Variants in GALNT2 observed in about 807,000 individuals in gnomAD.
GALNT2 encodes the protein polypeptide N-acetylgalactosaminyltransferase 2.
In GALNT2, 31 loss-of-function variants were observed where a neutral mutation model predicts 81.4. That is an observed-to-expected ratio of 0.38 (90% CI 0.29 to 0.51). The LOEUF (loss-of-function observed/expected upper bound fraction) is 0.51. Among genes scored for constraint, GALNT2 ranks in the 20% least tolerant of loss-of-function variants. GALNT2 has a pLI of 0.87. For synonymous variants in GALNT2, 303 were observed against 287.4 expected (o/e 1.05, Z -0.55); for missense variants, 629 against 765.7 (o/e 0.82, Z 2.11).
chr1:230,266,425 C>T (rs527292795), intron 14 of GALNT2, among the ~76,000 whole-genome samples: 1 of 152,312 alleles, frequency 6.6e-6, no homozygotes, highest in South Asian at 2.1e-4. Flanking sequence ...ACTGGGAGAG[C>T]CTGCAGTTTT....
chr1:230,061,123 C>T (rs946908715), intron 1 of GALNT2, among the ~76,000 whole-genome samples: 1 of 151,832 alleles, frequency 6.6e-6, no homozygotes, highest in Non-Finnish European at 1.5e-5. Flanking sequence ...TTAATCGGGG[C>T]CCTTTAAGTG....
intron 15 of GALNT2, among the ~76,000 whole-genome samples, chr1:230,277,248 A>T (rs995479103): frequency 2.0e-5 from 3 of 152,142 alleles, no homozygotes; most frequent in Non-Finnish European, 2.9e-5. Flanking sequence ...TGCCTTGAAA[A>T]TCTGCGCTCC....
chr1:230,079,376 G>A (rs752329137), intron 1 of GALNT2, among the ~76,000 whole-genome samples: 6 of 152,242 alleles, frequency 3.9e-5, no homozygotes, highest in Non-Finnish European at 8.8e-5. Flanking sequence ...CAGCTGGGGA[G>A]AAAGAACAGC....
At chr1:230,274,628 G>T in intron 15 of GALNT2, 64 bp downstream of exon 15, 2 of 1,600,892 alleles carry the variant, frequency 1.2e-6, no homozygotes, top group Non-Finnish European at 1.7e-6. Context: ...CACGGCCTGC[G>T]CCCTCTTGCT....
chr1:230,180,418 C>T (rs1422583085), intron 2 of GALNT2, among the ~76,000 whole-genome samples: 1 of 146,794 alleles, frequency 6.8e-6, no homozygotes, highest in African/African-American at 2.5e-5. Flanking sequence ...GATCAGTTGG[C>T]AATATTCGTA....
chr1:230,156,812 A>T (rs1403573113), intron 1 of GALNT2, among the ~76,000 whole-genome samples: 1 of 152,134 alleles, frequency 6.6e-6, no homozygotes, highest in African/African-American at 2.4e-5. Flanking sequence ...TCAGTCCCTA[A>T]AATGTGAAGA....
intron 1 of GALNT2, among the ~76,000 whole-genome samples, chr1:230,132,336 A>T (rs1332495467): frequency 6.6e-6 from 1 of 152,282 alleles, no homozygotes; most frequent in East Asian, 1.9e-4. Flanking sequence ...AGATTTCCTA[A>T]GGGAAGAACA....
chr1:230,180,773 G>C (rs1663134373), intron 2 of GALNT2, among the ~76,000 whole-genome samples: 1 of 151,940 alleles, frequency 6.6e-6, no homozygotes, highest in Non-Finnish European at 1.5e-5. Flanking sequence ...TAATTCTTTT[G>C]ATACCTTTTA....
At position 230,070,676 on chromosome 1, in the gene GALNT2, G is replaced by A. The variant is rs192715523; in HGVS notation, c.126+3270G>A. 1.2e-3 allele frequency among the ~76,000 whole-genome samples: 188 copies of A among 152,154 alleles called. 2 individuals carry two copies. Among genetic ancestry groups the A allele is most frequent in the Admixed American group, 8.1e-3 (124 of 15,292 alleles). On this transcript the variant is annotated intron_variant, in intron 1 of 15. Transcript: ENST00000366672. The surrounding 1 kb of genome is among the most constrained non-coding windows in gnomAD (Gnocchi z 4.7). ...AGAGTCCAAGGGTGGGGGACTTTGG[G>A]TGGGATCTTCTAGGAATCATGCGGG...
chr1:230,126,853 G>T (rs1661199604), intron 1 of GALNT2, among the ~76,000 whole-genome samples: 1 of 152,180 alleles, frequency 6.6e-6, no homozygotes, highest in African/African-American at 2.4e-5. Context: ...CCCAGCGCAG[G>T]TTCAGCAGTG....
At chr1:230,201,536 G>C (rs949847859) in intron 2 of GALNT2, among the ~76,000 whole-genome samples, 1 of 152,220 alleles carries the variant, frequency 6.6e-6, no homozygotes, top group South Asian at 2.1e-4. Context: ...AGGGATTTCT[G>C]TTGGGAAAGT....
chr1:230,067,154 C>T (rs1659212590), upstream of GALNT2: 2 of 384,210 alleles, frequency 5.2e-6, no homozygotes, highest in Admixed American at 5.6e-5. Context: ...TAGCACCGCG[C>T]GGGAGGAGGA....
chr1:230,236,161 G>C (rs375772584), intron 4 of GALNT2, 49 bp downstream of exon 4: 15 of 1,573,686 alleles, frequency 9.5e-6, no homozygotes, highest in African/African-American at 1.3e-5. Context: ...GACATTAGCT[G>C]TGTCCCAGGC....
At chr1:230,078,411 G>A (rs1659627660) in intron 1 of GALNT2, among the ~76,000 whole-genome samples, 1 of 152,176 alleles carries the variant, frequency 6.6e-6, no homozygotes, top group Non-Finnish European at 1.5e-5. Flanking sequence ...ATTTACTCAT[G>A]TATGCAGCAT....
rs1188701766 is a variant in GALNT2 at position 230,257,189 on chromosome 1, T to G, written c.1136+1845T>G. Among the ~76,000 whole-genome samples the G allele has an allele frequency of 1.3e-5, 2 of 152,226 alleles. No homozygotes were observed. The highest frequency in any genetic ancestry group is 2.9e-5 in the Non-Finnish European group (2 of 68,036). On this transcript the variant is annotated intron_variant, in intron 11 of 15. Transcript: ENST00000366672. This position sits in a 1 kb window ranked among gnomAD's most constrained non-coding sequence, Gnocchi z 4.6. ...GATTCTGAAGGAAAACACTGGGGCT[T>G]TTCAGCAGTGCCTGATGTCTGTTTT...
Position 230,250,492 on chromosome 1 carries a change from A to C in GALNT2, c.941A>C (p.Asp314Ala), listed in dbSNP as rs78164071. The C allele has an allele frequency of 3.2e-3, 5,216 of 1,614,012 alleles. 11 individuals carry two copies. Among genetic ancestry groups the C allele is most frequent in the Non-Finnish European group, 3.8e-3 (4,458 of 1,179,954 alleles). The stretch of plus-strand genomic sequence containing the variant: ...ATTGCTGGTGGGCTGTTTGTGATGG[A>C]TAAGTTCTATTTTGAAGAACTGGGG... ...PMIAGGLFVM[D>A]KFYFEELGKY... The change falls in exon 10 of 16, where the codon GAT becomes GCT. Residue 314 changes from aspartate to alanine, a missense_variant. By Grantham distance (126) the Asp-to-Ala change is moderately radical. Coordinates refer to ENST00000366672, the MANE Select transcript of GALNT2 (RefSeq NM_004481.5).
chr1:230,228,187 G>A (rs2102729078), intron 3 of GALNT2, among the ~76,000 whole-genome samples: 1 of 152,292 alleles, frequency 6.6e-6, no homozygotes, highest in Middle Eastern at 3.4e-3. Flanking sequence ...ATAACTGAAG[G>A]ATATTTTAAA....
intron 1 of GALNT2, among the ~76,000 whole-genome samples, chr1:230,091,398 T>C: frequency 6.6e-6 from 1 of 152,114 alleles, no homozygotes; most frequent in East Asian, 1.9e-4. Flanking sequence ...TCTATCGGCC[T>C]ATTTCTATCT....
chr1:230,117,554 C>G (rs189663044), intron 1 of GALNT2, among the ~76,000 whole-genome samples: 1 of 152,060 alleles, frequency 6.6e-6, no homozygotes, highest in South Asian at 2.1e-4. Context: ...ATCGTGGTAT[C>G]GCAGGGAATA....
Sources: allele counts gnomAD v4.1 joint callset (sites outside exome capture counted in the v4.1 genomes callset), GRCh38; gene constraint gnomAD v4.1.1; non-coding constraint Gnocchi (gnomAD v3.1); transcripts MANE v1.5; gene names NCBI Gene and HGNC (gene_info 2026-07-23, HGNC 2026-07-21).